The following LRRK1 variants were observed in gnomAD, a reference collection of about 807,000 sequenced individuals.
LRRK1 encodes leucine-rich repeat serine/threonine-protein kinase 1.
LRRK1 carries 113 observed loss-of-function variants against 209.1 expected under a neutral mutation model. That is an observed-to-expected ratio of 0.54 (90% CI 0.46 to 0.63). LRRK1 has a LOEUF of 0.63. Ranked by LOEUF, LRRK1 falls within the 30% of genes least tolerant of loss-of-function variation. LRRK1 has a pLI of 0.00. For synonymous variants in LRRK1, 1,144 were observed against 1,099.7 expected, an observed-to-expected ratio of 1.04 and a Z score of -0.80; for missense variants, 2,284 against 2,632.2, an observed-to-expected ratio of 0.87 and a Z score of 2.89.
intron 6 of LRRK1, among the ~76,000 whole-genome samples, chr15:100,994,549 G>T (rs1358904863): frequency 6.6e-6 from 1 of 152,198 alleles, no homozygotes; most frequent in East Asian, 1.9e-4. Context: ...TCTTACACAT[G>T]CCAAGGTTGG....
intron 3 of LRRK1, among the ~76,000 whole-genome samples, chr15:100,978,084 TA>T (rs2031393981): frequency 6.6e-6 from 1 of 151,434 alleles, no homozygotes; most frequent in Non-Finnish European, 1.5e-5. Flanking sequence ...CCTGAAATTT[TA>T]AAATTAAAAA....
chr15:100,927,238 G>A (rs1425935723), intron 2 of LRRK1, among the ~76,000 whole-genome samples: 1 of 152,150 alleles, frequency 6.6e-6, no homozygotes, highest in Non-Finnish European at 1.5e-5. Context: ...AATGGGCTTT[G>A]GACAAACCCA....
In LRRK1 at chr15:101,069,042, G is replaced by A. The variant is rs118031484; in HGVS notation, c.*194G>A. 12,558 of 509,014 alleles carry A rather than the reference G, an allele frequency of 0.025. 215 individuals are homozygous for A. The highest frequency in any genetic ancestry group is 0.036 in the Middle Eastern group (69 of 1,926). 31.5% of individuals were successfully genotyped at this position (509,014 alleles called of 1,614,324 possible). On this transcript the variant is annotated 3_prime_UTR_variant, in exon 34 of 34. Coordinates refer to ENST00000388948, the MANE Select transcript of LRRK1 (RefSeq NM_024652.6). ...CAGGGTTCTCTGGTTCTCTGGAGCA[G>A]AGTTCTCTGAATACCCCATCCCCCA...
Position 101,053,247 on chromosome 15 carries a change from C to T in LRRK1, c.3881C>T (p.Ala1294Val). Residue 1294 changes from alanine to valine, a missense_variant, in exon 26 of 34, where the codon GCC (alanine) becomes GTC (valine). Ala to Val is a moderately conservative substitution (Grantham distance 64). Around this residue, in one of 6 missense-constraint regions of LRRK1, gnomAD observed 780 missense variants for 985.2 expected, o/e 0.79. Transcript: ENST00000388948. ...PADTMLRHLRATDAMKNFSEF... is the reference protein window; with the variant it reads ...PADTMLRHLRVTDAMKNFSEF... ...GACACCATGCTGAGGCACCTGCGGG[C>T]CACCGATGCCATGAAGAACTTCTCC... is the stretch of plus-strand genomic sequence containing the variant. 6.2e-7 allele frequency: 1 copy of T among 1,606,354 alleles called. No individual in the cohort carries two copies. Among genetic ancestry groups the T allele is most frequent in the South Asian group, 1.1e-5 (1 of 91,076 alleles).
intron 10 of LRRK1, among the ~76,000 whole-genome samples, chr15:101,013,788 C>G (rs1194771449): frequency 6.6e-6 from 1 of 152,126 alleles, no homozygotes; most frequent in Non-Finnish European, 1.5e-5. Context: ...CCTGAGGGGC[C>G]CAGCTTGGGA....
At chr15:100,992,447 C>T (rs750971830) in intron 6 of LRRK1, among the ~76,000 whole-genome samples, 7 of 152,076 alleles carry the variant, frequency 4.6e-5, no homozygotes, top group Non-Finnish European at 1.0e-4. Context: ...TATATCTATA[C>T]TTATATTACT....
chr15:100,934,361 A>G (rs1386280593), intron 2 of LRRK1, among the ~76,000 whole-genome samples: 2 of 152,130 alleles, frequency 1.3e-5, no homozygotes, highest in African/African-American at 4.8e-5. Flanking sequence ...GTTTGTCTTT[A>G]TTAATTCAGC....
chr15:100,972,708 T>C (rs965031926), intron 2 of LRRK1, among the ~76,000 whole-genome samples: 1 of 152,192 alleles, frequency 6.6e-6, no homozygotes. Context: ...CCGTTTTAGT[T>C]GGGTGTAAAA....
chr15:100,927,546 T>C (rs2042137284), intron 2 of LRRK1, among the ~76,000 whole-genome samples: 1 of 151,994 alleles, frequency 6.6e-6, no homozygotes, highest in Admixed American at 6.5e-5. Flanking sequence ...GAGCTTGAAG[T>C]AGGGACAGGA....
intron 2 of LRRK1, among the ~76,000 whole-genome samples, chr15:100,925,069 A>AT (rs1187166677): frequency 6.6e-6 from 1 of 152,226 alleles, no homozygotes; most frequent in Non-Finnish European, 1.5e-5. Context: ...TTTAAAAAAA[A>AT]GGAAGAAGGG....
intron 2 of LRRK1, among the ~76,000 whole-genome samples, chr15:100,954,922 G>A (rs961529065): frequency 1.4e-4 from 21 of 152,286 alleles, no homozygotes; most frequent in African/African-American, 4.8e-4. Context: ...TTGTAACACA[G>A]TTTTAAATCA....
At chr15:100,930,622 C>G (rs1422226590) in intron 2 of LRRK1, among the ~76,000 whole-genome samples, 1 of 152,236 alleles carries the variant, frequency 6.6e-6, no homozygotes, top group Non-Finnish European at 1.5e-5. Context: ...TAGGGAGCAG[C>G]CCAGGCTCAC....
At position 101,074,015 on chromosome 15, in the gene LRRK1, A is replaced by G. The variant is rs2036892111; in HGVS notation, c.*5167A>G. On this transcript the variant is annotated 3_prime_UTR_variant, in exon 34 of 34. Transcript: ENST00000388948. ...AAGATCTAAATAATTCTTGTCGTAA[A>G]ATGGGCAAATGGTCTGAGGTGCCTG... 1 of 152,096 alleles carries G rather than the reference A, an allele frequency of 6.6e-6. No homozygotes were observed. Among genetic ancestry groups the G allele is most frequent in the African/African-American group, 2.4e-5 (1 of 41,422 alleles). The allele number at this position is 152,096 out of a possible 1,614,324, so 9.4% of individuals were successfully genotyped here.
At chr15:100,979,401 C>T (rs956695229) in intron 3 of LRRK1, among the ~76,000 whole-genome samples, 1 of 152,106 alleles carries the variant, frequency 6.6e-6, no homozygotes, top group Non-Finnish European at 1.5e-5. Context: ...TTAAAAAATA[C>T]TATTCAATGT....
chr15:100,989,862 T>G (rs2032062446), intron 6 of LRRK1, among the ~76,000 whole-genome samples: 1 of 152,134 alleles, frequency 6.6e-6, no homozygotes, highest in Non-Finnish European at 1.5e-5. Context: ...TTTTTTTGGT[T>G]GTTTTTTTTC....
At position 100,973,837 on chromosome 15, in the gene LRRK1, G is replaced by C. The variant is rs2031116479; in HGVS notation, c.131G>C (p.Arg44Pro). ...AGDTGGKPST[R>P]GGDPAARSRR... ...GACACGGGCGGCAAGCCGTCCACGC[G>C]GGGCGGTGACCCTGCAGCGCGGTCC... Residue 44 changes from arginine to proline, a missense_variant, in exon 3 of 34, where the codon CGG becomes CCG. This residue lies in a region of LRRK1 where 174 missense variants were observed against 133.5 expected (regional missense o/e 1.30). Transcript: ENST00000388948. The C allele has an allele frequency of 7.7e-7, 1 of 1,293,744 alleles. No homozygotes were observed. Among genetic ancestry groups the C allele is most frequent in the Admixed American group, 4.1e-5 (1 of 24,572 alleles). The allele number at this position is 1,293,744 out of a possible 1,614,324, so 80.1% of individuals were successfully genotyped here. A position where few individuals can be genotyped will look rare whatever the true frequency, so the allele number is the denominator to read the frequency against.
chr15:100,941,224 GTGTGTGTGTC>G (rs1208995979), intron 2 of LRRK1, among the ~76,000 whole-genome samples: 15 of 150,198 alleles, frequency 1.0e-4, no homozygotes, highest in Non-Finnish European at 2.1e-4. Context: ...GTATGTGTCT[GTGTGTGTGTC>G]TGTGTGTGTC....
In LRRK1 at chr15:101,024,690, T is replaced by G. The variant is rs1480881945; in HGVS notation, c.2068-113T>G. The G allele has an allele frequency of 2.6e-6, 3 of 1,162,560 alleles. No homozygotes were observed. Among genetic ancestry groups the G allele is most frequent in the African/African-American group, 1.5e-5 (1 of 65,050 alleles). The allele number at this position is 1,162,560 out of a possible 1,614,324, so 72.0% of individuals were successfully genotyped here. ...AGAGTGTCCAGAACTTTTCCACGGT[T>G]GTTTTTTCAGACCCCCGAGTCCAGC... On this transcript the variant is annotated intron_variant, in intron 15 of 33. Transcript: ENST00000388948. The surrounding 1 kb of genome is among the most constrained non-coding windows in gnomAD (Gnocchi z 4.6).
At chr15:100,992,957 G>A (rs921205128) in intron 6 of LRRK1, among the ~76,000 whole-genome samples, 2 of 152,104 alleles carry the variant, frequency 1.3e-5, no homozygotes, top group Non-Finnish European at 2.9e-5. Flanking sequence ...CACCGTGCCC[G>A]GCCCATATGT....
Sources: gnomAD v4.1 joint callset for allele counts (sites outside exome capture counted in the v4.1 genomes callset) on GRCh38, gnomAD v4.1.1 for gene constraint, gnomAD v4.1.1 regional missense constraint, Gnocchi (gnomAD v3.1) non-coding constraint, MANE v1.5 for transcripts, NCBI Gene and HGNC (gene_info 2026-07-23, HGNC 2026-07-21) for gene names.